ATG13: variants seen among roughly 807,000 people sequenced by gnomAD.
ATG13 encodes the protein autophagy related 13, also known as autophagy-related protein 13.
ATG13 carries 23 observed loss-of-function variants against 65.5 expected under a neutral mutation model. The observed-to-expected ratio is 0.35, with a 90% CI of 0.25 to 0.50. ATG13 has a LOEUF of 0.50. Ranked by LOEUF, ATG13 falls within the 20% of genes least tolerant of loss-of-function variation. The pLI, the probability that ATG13 is intolerant of heterozygous loss-of-function variation, is 0.98. For missense variants in ATG13, 566 were observed against 677.0 expected (o/e 0.84, Z 1.82); for synonymous variants, 252 against 245.2 (o/e 1.03, Z -0.26).
chr11:46,663,481 A>G (rs765105822), intron 11 of ATG13, among the ~76,000 whole-genome samples: 1 of 152,116 alleles, frequency 6.6e-6, no homozygotes, highest in Non-Finnish European at 1.5e-5. Context: ...CGTAGGAAGC[A>G]TGCATCTGAG....
chr11:46,660,077 G>C (rs2060825496), intron 11 of ATG13: 1 of 152,314 alleles, frequency 6.6e-6, no homozygotes. Flanking sequence ...TGGTCTTGTT[G>C]TGTAATGTGT....
At chr11:46,623,341 C>T (rs904380108) in intron 1 of ATG13, among the ~76,000 whole-genome samples, 3 of 152,082 alleles carry the variant, frequency 2.0e-5, no homozygotes, top group African/African-American at 7.2e-5. Flanking sequence ...AGAAAGAGAC[C>T]TAATTTTAGA....
At chr11:46,639,286 T>G (rs1467373256) in intron 2 of ATG13, among the ~76,000 whole-genome samples, 1 of 152,110 alleles carries the variant, frequency 6.6e-6, no homozygotes, top group Non-Finnish European at 1.5e-5. Context: ...ATGCCCAGCT[T>G]CCACATTTTC....
At chr11:46,642,015 C>A (rs1193836532) in intron 2 of ATG13, among the ~76,000 whole-genome samples, 2 of 151,792 alleles carry the variant, frequency 1.3e-5, no homozygotes, top group Non-Finnish European at 2.9e-5. Context: ...GGTCTGTGAT[C>A]CTGCAAGTGA....
chr11:46,649,612 T>G (rs1361501839), intron 6 of ATG13, among the ~76,000 whole-genome samples: 1 of 152,234 alleles, frequency 6.6e-6, no homozygotes, highest in Non-Finnish European at 1.5e-5. Context: ...GTTATTTCCT[T>G]TCCCCATTTT....
chr11:46,649,206 C>T lies in ATG13; in HGVS notation c.317+23C>T, dbSNP rs756531838. ...AAAGTAAGTGCTGCGTCTTAGGGTCCTTGGTTGTGGTTGCTGAGGATAAAG... is the reference window on the plus strand; with the variant it reads ...AAAGTAAGTGCTGCGTCTTAGGGTCTTTGGTTGTGGTTGCTGAGGATAAAG... On this transcript the variant is annotated intron_variant, in intron 6 of 18. Coordinates refer to ENST00000683050, the MANE Select transcript of ATG13 (RefSeq NM_001346311.2). The T allele has an allele frequency of 2.5e-6, 4 of 1,604,100 alleles. No individual in the cohort carries two copies. In the South Asian group the frequency reaches 3.4e-5, roughly 13 times the overall value.
intron 1 of ATG13, among the ~76,000 whole-genome samples, chr11:46,627,908 C>G (rs1428982298): frequency 6.6e-6 from 1 of 151,874 alleles, no homozygotes; most frequent in Non-Finnish European, 1.5e-5. Flanking sequence ...CAAGGCAAAG[C>G]CCCATCTCTA....
chr11:46,618,782 C>T (rs1278190724), intron 1 of ATG13, among the ~76,000 whole-genome samples: 1 of 151,828 alleles, frequency 6.6e-6, no homozygotes, highest in Non-Finnish European at 1.5e-5. Flanking sequence ...CATTTATCAG[C>T]TCAGGAGAAG....
At chr11:46,657,697 A>G in intron 10 of ATG13, 75 bp downstream of exon 10, 1 of 1,331,838 alleles carries the variant, frequency 7.5e-7, no homozygotes, top group Non-Finnish European at 1.0e-6. Context: ...CACATGGAAC[A>G]CTTTTCTCAG....
chr11:46,663,962 T>TTTTTTTTTC, intron 11 of ATG13, 35 bp from the exon 12 acceptor site: 1 of 1,227,214 alleles, frequency 8.1e-7, no homozygotes, highest in Non-Finnish European at 1.1e-6. Context: ...TTTTTTTTTT[T>TTTTTTTTTC]TGTTTCTCCT....
At chr11:46,665,268 G>T in intron 13 of ATG13, 115 bp from the exon 14 acceptor site, 3 of 1,312,782 alleles carry the variant, frequency 2.3e-6, no homozygotes, top group South Asian at 1.4e-5. Flanking sequence ...CTGCCTACTT[G>T]GTGGCAGCGT....
At chr11:46,643,204 G>C (rs971958688) in intron 2 of ATG13, among the ~76,000 whole-genome samples, 1 of 152,122 alleles carries the variant, frequency 6.6e-6, no homozygotes, top group African/African-American at 2.4e-5. Flanking sequence ...GGGAGTTCAG[G>C]GGTTGGGGGT....
chr11:46,664,719 C>G, intron 12 of ATG13, 130 bp from the exon 13 acceptor site: 1 of 769,446 alleles, frequency 1.3e-6, no homozygotes, highest in Non-Finnish European at 2.2e-6. Flanking sequence ...CGTCAGGCCC[C>G]CTGCACTGTG....
intron 1 of ATG13, among the ~76,000 whole-genome samples, chr11:46,621,885 C>A (rs1392372033): frequency 6.6e-6 from 1 of 151,722 alleles, no homozygotes; most frequent in Non-Finnish European, 1.5e-5. Flanking sequence ...ATTTTCCTTA[C>A]ATCTATAGCT....
chr11:46,638,780 A>G (rs2054867498), intron 2 of ATG13, among the ~76,000 whole-genome samples: 1 of 151,848 alleles, frequency 6.6e-6, no homozygotes, highest in African/African-American at 2.4e-5. Context: ...TCTGTGGCTA[A>G]TTTCCATGAT....
At chr11:46,645,238 T>A in intron 3 of ATG13, 101 bp from the exon 4 acceptor site, 1 of 968,874 alleles carries the variant, frequency 1.0e-6, no homozygotes, top group Non-Finnish European at 1.5e-6. Context: ...TTGGCATCTT[T>A]TAAACTCTGT....
chr11:46,617,669 G>T lies in ATG13; in HGVS notation c.-291G>T. ...ACCAGTGAGGGAAGCACTGAAGAGCGCCAGTCGACGTGGGTGCGACAACTC... is the reference window on the plus strand; with the variant it reads ...ACCAGTGAGGGAAGCACTGAAGAGCTCCAGTCGACGTGGGTGCGACAACTC... On this transcript the variant is annotated 5_prime_UTR_variant, in exon 1 of 19. Coordinates refer to ENST00000683050, the MANE Select transcript of ATG13 (RefSeq NM_001346311.2). 2 of 388,388 alleles carry T rather than the reference G, an allele frequency of 5.1e-6. No individual in the cohort carries two copies. Among genetic ancestry groups the T allele is most frequent in the Non-Finnish European group, 9.1e-6 (2 of 219,992 alleles). 24.1% of individuals were successfully genotyped at this position (388,388 alleles called of 1,614,324 possible).
At chr11:46,640,980 C>T (rs979334218) in intron 2 of ATG13, among the ~76,000 whole-genome samples, 2 of 152,212 alleles carry the variant, frequency 1.3e-5, no homozygotes, top group African/African-American at 4.8e-5. Context: ...GACTTTGTCT[C>T]TGATAGCAGT....
Position 46,664,910 on chromosome 11 carries a change from C to T in ATG13, c.950C>T (p.Ala317Val), listed in dbSNP as rs2061971963. 4 of 1,613,910 alleles carry T rather than the reference C, an allele frequency of 2.5e-6. No homozygotes were observed. The highest frequency in any genetic ancestry group is 1.3e-5 in the African/African-American group (1 of 74,930). The change falls in exon 13 of 19, where the codon GCT becomes GTT. Residue 317 changes from alanine (A) to valine (V), a missense_variant. Ala to Val is a moderately conservative substitution (Grantham distance 64, BLOSUM62 0). Around this residue, in one of 2 missense-constraint regions of ATG13, gnomAD observed 387 missense variants for 409.8 expected, o/e 0.94. Coordinates refer to ENST00000683050, the MANE Select transcript of ATG13 (RefSeq NM_001346311.2). Reference protein sequence around the residue: ...AALGVGSADLAYPVVFAAGLN... With the variant: ...AALGVGSADLVYPVVFAAGLN... ...CTGGGCGTTGGATCAGCTGACCTGGCTTATCCAGTAGTGTTTGCTGCTGGC... is the reference window on the plus strand; with the variant it reads ...CTGGGCGTTGGATCAGCTGACCTGGTTTATCCAGTAGTGTTTGCTGCTGGC...
Sources: allele counts gnomAD v4.1 joint callset (sites outside exome capture counted in the v4.1 genomes callset), GRCh38; gene constraint gnomAD v4.1.1; regional missense constraint gnomAD v4.1.1; transcripts MANE v1.5; gene names NCBI Gene and HGNC (gene_info 2026-07-23, HGNC 2026-07-21).